Variants in PPFIBP1 observed in about 807,000 individuals in gnomAD.
PPFIBP1 encodes PPFIB scaffold protein 1, also known as liprin-beta-1.
PPFIBP1 carries 112 observed loss-of-function variants against 137.8 expected under a neutral mutation model. The ratio of observed to expected loss-of-function variants is 0.81; its 90% confidence interval spans 0.70 to 0.95. The LOEUF (loss-of-function observed/expected upper bound fraction) is 0.95, where lower values mean the gene tolerates loss of function less well. Among genes scored for constraint, PPFIBP1 ranks in the 40% least tolerant of loss-of-function variants. The pLI, the probability that PPFIBP1 is intolerant of heterozygous loss-of-function variation, is 0.00. For synonymous variants in PPFIBP1, 378 were observed against 417.3 expected, an observed-to-expected ratio of 0.91 and a Z score of 1.15; for missense variants, 1,083 against 1,196.6, an observed-to-expected ratio of 0.91 and a Z score of 1.40.
chr12:27,633,991 C>T (rs184453580), intron 3 of PPFIBP1, among the ~76,000 whole-genome samples: 298 of 151,972 alleles, frequency 2.0e-3, no homozygotes, highest in African/African-American at 6.9e-3. Flanking sequence ...CACCCACCAC[C>T]ACGCCTGGCT....
chr12:27,587,418 C>G (rs917178847), intron 2 of PPFIBP1, among the ~76,000 whole-genome samples: 2 of 151,816 alleles, frequency 1.3e-5, no homozygotes, highest in Non-Finnish European at 2.9e-5. Context: ...GTCAGGAGAT[C>G]GAGACCATCC....
chr12:27,682,211 T>C (rs569841509), intron 22 of PPFIBP1, among the ~76,000 whole-genome samples, 176 bp from the exon 23 acceptor site: 2 of 152,164 alleles, frequency 1.3e-5, no homozygotes, highest in Non-Finnish European at 2.9e-5. Context: ...ATTGTGGTGG[T>C]CTTGGCTTTT....
chr12:27,565,494 A>G (rs1372351020), intron 1 of PPFIBP1, among the ~76,000 whole-genome samples: 2 of 152,078 alleles, frequency 1.3e-5, no homozygotes, highest in East Asian at 1.9e-4. Context: ...GTATTTCTCT[A>G]TATTCATTTG....
intron 2 of PPFIBP1, among the ~76,000 whole-genome samples, chr12:27,629,920 C>G (rs2057141687): frequency 6.6e-6 from 1 of 152,106 alleles, no homozygotes; most frequent in South Asian, 2.1e-4. Context: ...TTCTTTAAAA[C>G]CCATTTGAAA....
At chr12:27,684,117 A>T (rs1408379638) in intron 24 of PPFIBP1, among the ~76,000 whole-genome samples, 1 of 141,530 alleles carries the variant, frequency 7.1e-6, no homozygotes, top group African/African-American at 2.6e-5. Flanking sequence ...TTATTTATTT[A>T]TTTATTTTGG....
At chr12:27,686,098 C>T (rs2061186581) in intron 24 of PPFIBP1, among the ~76,000 whole-genome samples, 1 of 151,994 alleles carries the variant, frequency 6.6e-6, no homozygotes, top group South Asian at 2.1e-4. Context: ...GTGTCTCAAT[C>T]CTAGATTAAA....
chr12:27,635,050 G>C lies in PPFIBP1; in HGVS notation c.205G>C (p.Gly69Arg), dbSNP rs2057551770. The change falls in exon 4 of 30, where the codon GGC (glycine) becomes CGC (arginine). Residue 69 changes from glycine (G) to arginine (R), a missense_variant. Gly to Arg is a moderately radical substitution (Grantham distance 125, BLOSUM62 -2). Transcript: ENST00000228425. ...LEMMETDEKE[G>R]LRCQIPDSTA... ...GATGATGGAAACAGATGAGAAAGAA[G>C]GCTTGAGATGCCAGATCCCAGATTC... 6.2e-7 allele frequency: 1 copy of C among 1,614,062 alleles called. No individual in the cohort carries two copies. Among genetic ancestry groups the C allele is most frequent in the Admixed American group, 1.7e-5 (1 of 59,996 alleles).
chr12:27,544,775 C>T (rs188847880), intron 1 of PPFIBP1, among the ~76,000 whole-genome samples: 56 of 152,266 alleles, frequency 3.7e-4, no homozygotes, highest in African/African-American at 1.3e-3. Context: ...GAAATAGGAA[C>T]GCTGTTGGTG....
chr12:27,594,098 A>T, intron 2 of PPFIBP1: 2 of 1,124,072 alleles, frequency 1.8e-6, no homozygotes, highest in Non-Finnish European at 2.3e-6. Flanking sequence ...GAAAAGAAGA[A>T]AAAAGAAAAA....
chr12:27,649,969 T>C (rs776121975), intron 6 of PPFIBP1, 41 bp from the exon 7 acceptor site: 1 of 1,563,012 alleles, frequency 6.4e-7, no homozygotes, highest in Admixed American at 1.7e-5. Flanking sequence ...TGCCTGTTTA[T>C]AATAAAAGAC....
intron 2 of PPFIBP1, among the ~76,000 whole-genome samples, chr12:27,621,709 A>G (rs1301318825): frequency 1.3e-5 from 2 of 152,180 alleles, no homozygotes; most frequent in Admixed American, 6.5e-5. Context: ...AATTACCTAC[A>G]AGACAAACTG....
chr12:27,614,328 G>A (rs1054724128), intron 2 of PPFIBP1, among the ~76,000 whole-genome samples: 10 of 152,000 alleles, frequency 6.6e-5, no homozygotes, highest in Admixed American at 1.3e-4. Context: ...GCAGTGAGCC[G>A]TGCGTGATTG....
At chr12:27,536,672 A>G (rs1448856825) in intron 1 of PPFIBP1, among the ~76,000 whole-genome samples, 1 of 152,190 alleles carries the variant, frequency 6.6e-6, no homozygotes, top group Non-Finnish European at 1.5e-5. Context: ...GGGGCCAAAC[A>G]TCCAAATCAT....
chr12:27,593,682 G>C lies in PPFIBP1; in HGVS notation c.-36+15443G>C, dbSNP rs370112028. On this transcript the variant is annotated intron_variant, in intron 2 of 29. Transcript: ENST00000228425. ...GACAGATAGTTTTGTCCTCTCTTTT[G>C]GGAACTTGTTTATCCACAGGTTGGC... 1.8e-5 allele frequency: 10 copies of C among 566,234 alleles called. No individual in the cohort carries two copies. In the African/African-American group the frequency reaches 1.9e-4, roughly 11 times the overall value. The allele number at this position is 566,234 out of a possible 1,614,324, so 35.1% of individuals were successfully genotyped here.
At chr12:27,665,343 A>C (rs1350129400) in intron 12 of PPFIBP1, among the ~76,000 whole-genome samples, 2 of 152,184 alleles carry the variant, frequency 1.3e-5, no homozygotes, top group East Asian at 3.8e-4. Context: ...TTGGATTGAC[A>C]CAGTGGTGTA....
chr12:27,570,388 A>G (rs1264369107), intron 1 of PPFIBP1, among the ~76,000 whole-genome samples: 1 of 152,212 alleles, frequency 6.6e-6, no homozygotes, highest in African/African-American at 2.4e-5. Flanking sequence ...TCATATAGCT[A>G]AAAGTTGTGG....
chr12:27,669,751 C>T (rs1438679989), intron 13 of PPFIBP1, among the ~76,000 whole-genome samples: 3 of 152,278 alleles, frequency 2.0e-5, no homozygotes, highest in South Asian at 2.1e-4. Flanking sequence ...TATAATAATT[C>T]GACTTCACAT....
chr12:27,667,556 A>G (rs1170807370), intron 13 of PPFIBP1, among the ~76,000 whole-genome samples: 1 of 152,216 alleles, frequency 6.6e-6, no homozygotes, highest in Non-Finnish European at 1.5e-5. Context: ...AGAGGAGTAA[A>G]CAGTTATACA....
chr12:27,560,580 T>C (rs79495207), intron 1 of PPFIBP1, among the ~76,000 whole-genome samples: 2,347 of 152,328 alleles, frequency 0.015, 54 homozygotes, highest in African/African-American at 0.052. Context: ...GTAAAACTAA[T>C]AGAGGACCAC....
Sources: gnomAD v4.1 joint callset for allele counts (sites outside exome capture counted in the v4.1 genomes callset) on GRCh38, gnomAD v4.1.1 for gene constraint, MANE v1.5 for transcripts, NCBI Gene and HGNC (gene_info 2026-07-23, HGNC 2026-07-21) for gene names.